Variants in IPO11 observed in about 807,000 individuals in gnomAD.
IPO11 encodes importin-11.
IPO11 carries 66 observed loss-of-function variants against 143.2 expected under a neutral mutation model. That is an observed-to-expected ratio of 0.46 (90% CI 0.38 to 0.57). The LOEUF (loss-of-function observed/expected upper bound fraction) is 0.57, where lower values mean the gene tolerates loss of function less well. Ranked by LOEUF, IPO11 falls within the 20% of genes least tolerant of loss-of-function variation. IPO11 has a pLI of 0.00. For synonymous variants in IPO11, 385 were observed against 377.8 expected (o/e 1.02, Z -0.22); for missense variants, 1,026 against 1,141.0 (o/e 0.90, Z 1.45).
At chr5:62,535,912 T>C (rs1330408084) in intron 22 of IPO11, among the ~76,000 whole-genome samples, 1 of 152,210 alleles carries the variant, frequency 6.6e-6, no homozygotes, top group Non-Finnish European at 1.5e-5. Context: ...TGTATAATTT[T>C]ACACGTACAG....
intron 18 of IPO11, among the ~76,000 whole-genome samples, chr5:62,506,011 A>G (rs547779783): frequency 2.6e-5 from 4 of 152,246 alleles, no homozygotes; most frequent in African/African-American, 9.6e-5. Context: ...GATGAGTTAA[A>G]TTCTGAAATG....
intron 3 of IPO11, among the ~76,000 whole-genome samples, chr5:62,447,637 G>C (rs1744765299): frequency 6.6e-6 from 1 of 151,408 alleles, no homozygotes; most frequent in African/African-American, 2.4e-5. Context: ...CCAGGCTGGA[G>C]TGCAGTGGTG....
At chr5:62,429,754 G>A (rs1271703702) in intron 1 of IPO11, among the ~76,000 whole-genome samples, 1 of 152,032 alleles carries the variant, frequency 6.6e-6, no homozygotes, top group Non-Finnish European at 1.5e-5. Flanking sequence ...CTCCCGAGTA[G>A]CTGGGACTAT....
At chr5:62,597,831 T>C (rs1423264808) in intron 28 of IPO11, among the ~76,000 whole-genome samples, 1 of 152,196 alleles carries the variant, frequency 6.6e-6, no homozygotes, top group East Asian at 1.9e-4. Flanking sequence ...GTTTTAACAA[T>C]AAAGAATTAG....
In IPO11 at chr5:62,421,260, C is replaced by T. The variant is rs185643336; in HGVS notation, c.-7+8331C>T. ...TTCCTTGTATATTCTGTATAATACA[C>T]CTTTGTTTTAGTTATGTATTAATAA... On this transcript the variant is annotated intron_variant, in intron 1 of 29. Coordinates refer to ENST00000325324, the MANE Select transcript of IPO11 (RefSeq NM_016338.5). Among the ~76,000 whole-genome samples the T allele has an allele frequency of 4.1e-3, 617 of 152,276 alleles. 6 individuals carry two copies. The highest frequency in any genetic ancestry group is 3.0e-3 in the Non-Finnish European group (205 of 68,012).
At chr5:62,611,807 G>A (rs1425582008) in intron 29 of IPO11, among the ~76,000 whole-genome samples, 1 of 152,040 alleles carries the variant, frequency 6.6e-6, no homozygotes, top group African/African-American at 2.4e-5. Context: ...CTGCCTTCAT[G>A]GCAGTTTTTC....
intron 9 of IPO11, among the ~76,000 whole-genome samples, chr5:62,477,515 T>A (rs1265315804): frequency 6.6e-6 from 1 of 152,204 alleles, no homozygotes; most frequent in Admixed American, 6.5e-5. Context: ...TTCGTTTCTC[T>A]TGTTCCAAGT....
chr5:62,418,744 A>G (rs1056283218), intron 1 of IPO11: 4 of 264,042 alleles, frequency 1.5e-5, no homozygotes, highest in South Asian at 9.4e-5. Context: ...ACAAGGGATA[A>G]GATACATTTT....
Position 62,611,848 on chromosome 5 carries a change from T to A in IPO11, c.2763+10000T>A, listed in dbSNP as rs202107561. Among the ~76,000 whole-genome samples the A allele has an allele frequency of 2.0e-5, 3 of 152,300 alleles. No homozygotes were observed. In the East Asian group the frequency reaches 5.8e-4, roughly 29 times the overall value. On this transcript the variant is annotated intron_variant, in intron 29 of 29. Transcript: ENST00000325324. ...TCCTGTTTTTCTCTTCTGCTTCTTTTTCTCAATAAATTGTAGTACTTACTG... is the reference window on the plus strand; with the variant it reads ...TCCTGTTTTTCTCTTCTGCTTCTTTATCTCAATAAATTGTAGTACTTACTG...
intron 9 of IPO11, among the ~76,000 whole-genome samples, chr5:62,479,458 T>C (rs1206628472): frequency 6.6e-6 from 1 of 152,186 alleles, no homozygotes; most frequent in Non-Finnish European, 1.5e-5. Context: ...TAACCAGTAA[T>C]GGGATGGCTG....
intron 1 of IPO11, among the ~76,000 whole-genome samples, chr5:62,421,393 G>A (rs980737682): frequency 1.3e-5 from 2 of 152,192 alleles, no homozygotes; most frequent in Non-Finnish European, 2.9e-5. Flanking sequence ...TAGGCAGATA[G>A]GCTGTGAACT....
chr5:62,568,574 C>CAAAAA (rs66748975), intron 27 of IPO11, among the ~76,000 whole-genome samples: 14,159 of 51,584 alleles, frequency 0.27, 2,237 homozygotes, highest in Non-Finnish European at 0.32. Context: ...ACTCTGTCTC[C>CAAAAA]AAAAAAAAAA....
intron 1 of IPO11, among the ~76,000 whole-genome samples, chr5:62,425,515 A>G (rs1173406080): frequency 6.6e-6 from 1 of 152,066 alleles, no homozygotes; most frequent in Admixed American, 6.6e-5. Context: ...ACAGGGTTTC[A>G]CCATGTTGTT....
chr5:62,438,324 G>C (rs1259034445), intron 2 of IPO11, among the ~76,000 whole-genome samples: 1 of 151,962 alleles, frequency 6.6e-6, no homozygotes, highest in Non-Finnish European at 1.5e-5. Context: ...CAAAAAAGAT[G>C]GCTGTTTGGC....
chr5:62,617,173 T>G (rs1301849751), intron 29 of IPO11, among the ~76,000 whole-genome samples: 1 of 152,190 alleles, frequency 6.6e-6, no homozygotes, highest in African/African-American at 2.4e-5. Flanking sequence ...CCTATAGATG[T>G]TCATACTTGT....
chr5:62,544,311 A>C (rs1019359291), intron 24 of IPO11, among the ~76,000 whole-genome samples: 1 of 152,206 alleles, frequency 6.6e-6, no homozygotes, highest in African/African-American at 2.4e-5. Flanking sequence ...ACACAAATCA[A>C]TAAATGTAAT....
chr5:62,431,204 C>T (rs1375952459), intron 1 of IPO11, among the ~76,000 whole-genome samples: 1 of 152,068 alleles, frequency 6.6e-6, no homozygotes, highest in Non-Finnish European at 1.5e-5. Flanking sequence ...GTCTTGAACT[C>T]CTGGCCCCAG....
rs1406996177 is a variant in IPO11, at chr5:62,544,982, T to G, written c.2251-5385T>G. ...CAAATGGAAGAACATTCCATGCTCA[T>G]GGATAGGAAGAATCAATATCGTGAA... On this transcript the variant is annotated intron_variant, in intron 24 of 29. Transcript: ENST00000325324. Among the ~76,000 whole-genome samples, 3 of 152,124 alleles carry G rather than the reference T, an allele frequency of 2.0e-5. No individual in the cohort carries two copies. In the South Asian group the frequency reaches 6.2e-4, roughly 32 times the overall value.
chr5:62,551,929 C>A (rs1743400963), intron 26 of IPO11, among the ~76,000 whole-genome samples: 1 of 151,952 alleles, frequency 6.6e-6, no homozygotes, highest in African/African-American at 2.4e-5. Flanking sequence ...ATCGAGACAT[C>A]CTGGCTAACA....
Sources: gnomAD v4.1 joint callset for allele counts (sites outside exome capture counted in the v4.1 genomes callset) on GRCh38, gnomAD v4.1.1 for gene constraint, MANE v1.5 for transcripts, NCBI Gene and HGNC (gene_info 2026-07-23, HGNC 2026-07-21) for gene names.